Variants in MAP4 observed in about 807,000 individuals in gnomAD.
MAP4 encodes the protein microtubule-associated protein 4.
MAP4 carries 76 observed loss-of-function variants against 170.2 expected under a neutral mutation model. That is an observed-to-expected ratio of 0.45 (90% CI 0.37 to 0.54). The LOEUF (loss-of-function observed/expected upper bound fraction) is 0.54, where lower values mean the gene tolerates loss of function less well. MAP4 is among the 20% of genes least tolerant of loss of function. The pLI is 0.00. For synonymous variants in MAP4, 909 were observed against 994.5 expected (o/e 0.91, Z 1.62); for missense variants, 2,506 against 2,748.0 (o/e 0.91, Z 1.97).
At chr3:48,066,975 G>A (rs1291840711) in intron 1 of MAP4, among the ~76,000 whole-genome samples, 1 of 151,412 alleles carries the variant, frequency 6.6e-6, no homozygotes, top group Non-Finnish European at 1.5e-5. Flanking sequence ...TGAGCAGCTG[G>A]GACCACAAGC....
Position 48,031,055 on chromosome 3 carries a change from AG to A in MAP4, c.-19-32177del, listed in dbSNP as rs202030107. ...CTAAAGAGTACAATATGAAAATGGG[AG>A]GGGGGGGTAAGAGAAATATGACAAA... On this transcript the variant is annotated intron_variant, in intron 1 of 18. Transcript: ENST00000360240. Among the ~76,000 whole-genome samples, 355 of 151,420 alleles carry A rather than the reference AG, an allele frequency of 2.3e-3. 2 individuals carry two copies. Among genetic ancestry groups the A allele is most frequent in the South Asian group, 2.5e-3 (12 of 4,770 alleles).
Position 47,912,238 on chromosome 3 carries a change from G to C in MAP4, c.2183C>G (p.Ser728Cys), listed in dbSNP as rs1352782099. 4.6e-6 allele frequency: 7 copies of C among 1,535,984 alleles called. No homozygotes were observed. The highest frequency in any genetic ancestry group is 4.4e-6 in the Non-Finnish European group (5 of 1,146,918). ...HCSLSESGWV[S>C]GSSSCGGPGN... is the part of the protein sequence containing the mutation. The stretch of plus-strand genomic sequence containing the variant: ...AGGCCCACCACAGGAGGATGAACCA[G>C]AGACCCAACCTGACTCAGACAAAGA... The change falls in exon 9 of 21, where the codon TCT becomes TGT. Residue 728 changes from serine to cysteine, a missense_variant. This residue lies in a region of MAP4 where 2,008 missense variants were observed against 2,206.0 expected (regional missense o/e 0.91). Transcript: ENST00000683076.
At chr3:47,923,703 C>T (rs1364015141) in intron 4 of MAP4, among the ~76,000 whole-genome samples, 1 of 151,362 alleles carries the variant, frequency 6.6e-6, no homozygotes, top group African/African-American at 2.4e-5. Context: ...GCAGTCCCAG[C>T]TACTCGGAAG....
At chr3:47,974,406 G>C in intron 3 of MAP4, 1 of 914,246 alleles carries the variant, frequency 1.1e-6, no homozygotes, top group Non-Finnish European at 1.3e-6. Flanking sequence ...GCCTAGGCAA[G>C]AGTGAGACCC....
chr3:48,061,256 T>G (rs552862903), intron 1 of MAP4, among the ~76,000 whole-genome samples: 2 of 147,666 alleles, frequency 1.4e-5, no homozygotes, highest in Admixed American at 6.8e-5. Flanking sequence ...GAAGCTGGAC[T>G]GTACTGCTGC....
chr3:47,867,357 G>C lies in MAP4; in HGVS notation c.6409-19C>G. 1 of 1,547,088 alleles carries C rather than the reference G, an allele frequency of 6.5e-7. No homozygotes were observed. The highest frequency in any genetic ancestry group is 8.9e-7 in the Non-Finnish European group (1 of 1,120,274). On this transcript the variant is annotated intron_variant, in intron 16 of 20. Coordinates refer to ENST00000683076, the MANE Select transcript of MAP4 (RefSeq NM_001385682.1). Reference sequence around the variant, plus strand: ...TCTGGACCTGGAGTGTTAGAAAATAGAAAAAACAACACAAAGGGAGAGGAC... The same window carrying C: ...TCTGGACCTGGAGTGTTAGAAAATACAAAAAACAACACAAAGGGAGAGGAC...
intron 17 of MAP4, among the ~76,000 whole-genome samples, chr3:47,865,249 AAT>A (rs1037700672): frequency 6.6e-6 from 1 of 152,118 alleles, no homozygotes; most frequent in African/African-American, 2.4e-5. Context: ...AACACACACA[AAT>A]ATATCTCTAT....
intron 2 of MAP4, among the ~76,000 whole-genome samples, chr3:47,989,754 AC>A (rs1281833037): frequency 6.6e-6 from 1 of 152,226 alleles, no homozygotes; most frequent in Non-Finnish European, 1.5e-5. Flanking sequence ...GACATACTGG[AC>A]CCTAATCATA....
At chr3:47,895,532 T>G (rs747060428) in intron 10 of MAP4, among the ~76,000 whole-genome samples, 2 of 152,258 alleles carry the variant, frequency 1.3e-5, no homozygotes, top group African/African-American at 4.8e-5. Context: ...ATGGCGGACG[T>G]TGCAGCATGT....
At chr3:47,969,594 ACT>A (rs1278810470) in intron 3 of MAP4, among the ~76,000 whole-genome samples, 1 of 151,906 alleles carries the variant, frequency 6.6e-6, no homozygotes, top group Non-Finnish European at 1.5e-5. Flanking sequence ...CCCACCTCAC[ACT>A]CTGTTAAGTT....
chr3:47,893,674 T>C (rs1273289141), intron 10 of MAP4, among the ~76,000 whole-genome samples: 1 of 152,162 alleles, frequency 6.6e-6, no homozygotes, highest in Non-Finnish European at 1.5e-5. Context: ...TAAGTTACTG[T>C]CTTGCAATAA....
chr3:47,888,457 G>A (rs187234246), intron 10 of MAP4, among the ~76,000 whole-genome samples: 17 of 152,028 alleles, frequency 1.1e-4, no homozygotes, highest in African/African-American at 3.1e-4. Flanking sequence ...CGGGAGGAAC[G>A]AACAACTCCA....
rs757133450 is a variant in MAP4 at position 47,945,896 on chromosome 3, TAG to T, written c.293-17548_293-17547del. 1.5e-4 allele frequency among the ~76,000 whole-genome samples: 23 copies of T among 151,586 alleles called. 1 individual carries two copies. The South Asian group carries it at 4.8e-3, about 32-fold the overall frequency. On this transcript the variant is annotated intron_variant, in intron 3 of 20. Transcript: ENST00000683076. ...CCAGCTAATTTTTTGTATTTTTCTGTAGAGACAGGGCTTCGCCGTGTTGCCAA... is the reference window on the plus strand; with the variant it reads ...CCAGCTAATTTTTTGTATTTTTCTGTAGACAGGGCTTCGCCGTGTTGCCAA...
chr3:48,070,233 T>C (rs924456034), intron 1 of MAP4, among the ~76,000 whole-genome samples: 4 of 151,846 alleles, frequency 2.6e-5, no homozygotes, highest in Non-Finnish European at 5.9e-5. Context: ...AGGTGCTACT[T>C]AACCAGGCTT....
chr3:48,041,556 C>G (rs1467758063), intron 1 of MAP4, among the ~76,000 whole-genome samples: 1 of 152,128 alleles, frequency 6.6e-6, no homozygotes, highest in Non-Finnish European at 1.5e-5. Flanking sequence ...CCAAACTGAT[C>G]TACAGATTCA....
Position 48,079,905 on chromosome 3 carries a change from G to A in MAP4, c.-20+8868C>T, listed in dbSNP as rs144119973. Reference sequence around the variant, plus strand: ...GCGGAGCTTGCAGTGAGCCGAGATAGTGCCACTACACTCCGGCCTGGGCAA... The same window carrying A: ...GCGGAGCTTGCAGTGAGCCGAGATAATGCCACTACACTCCGGCCTGGGCAA... On this transcript the variant is annotated intron_variant, in intron 1 of 18. Transcript: ENST00000360240. Among the ~76,000 whole-genome samples the A allele has an allele frequency of 6.7e-3, 1,021 of 151,364 alleles. 11 individuals carry two copies. Among genetic ancestry groups the A allele is most frequent in the African/African-American group, 0.024 (968 of 41,056 alleles).
intron 14 of MAP4, 33 bp from the exon 15 acceptor site, chr3:47,871,138 T>C: frequency 6.2e-7 from 1 of 1,610,898 alleles, no homozygotes; most frequent in Non-Finnish European, 8.5e-7. Flanking sequence ...TAACACGGGT[T>C]CAGGGAGAGA....
intron 1 of MAP4, among the ~76,000 whole-genome samples, chr3:48,082,924 G>C (rs2100147321): frequency 6.6e-6 from 1 of 151,922 alleles, no homozygotes; most frequent in African/African-American, 2.4e-5. Flanking sequence ...CATAACCTCG[G>C]GCTAATCATG....
chr3:48,069,316 T>C (rs571021808), intron 1 of MAP4, among the ~76,000 whole-genome samples: 1 of 152,252 alleles, frequency 6.6e-6, no homozygotes, highest in Admixed American at 6.5e-5. Context: ...ATTCTGAAGG[T>C]CACCCATCCC....
Sources: allele counts gnomAD v4.1 joint callset (sites outside exome capture counted in the v4.1 genomes callset), GRCh38; gene constraint gnomAD v4.1.1; regional missense constraint gnomAD v4.1.1; transcripts MANE v1.5; gene names NCBI Gene and HGNC (gene_info 2026-07-23, HGNC 2026-07-21).